The following MAP3K20 variants were observed in gnomAD, a reference collection of about 807,000 sequenced individuals.
The protein encoded by MAP3K20 is HCCS-4.
MAP3K20 carries 40 observed loss-of-function variants against 85.7 expected under a neutral mutation model. The ratio of observed to expected loss-of-function variants is 0.47; its 90% CI spans 0.36 to 0.61. MAP3K20 has a LOEUF of 0.61. Ranked by LOEUF, MAP3K20 falls within the 20% of genes least tolerant of loss-of-function variation. The probability of loss-of-function intolerance (pLI) is 0.00; values close to 1 mark genes in which losing one functional copy is unlikely to be tolerated. For missense variants in MAP3K20, 817 were observed against 961.7 expected, an observed-to-expected ratio of 0.85 and a Z score of 1.99; for synonymous variants, 325 against 327.7, an observed-to-expected ratio of 0.99 and a Z score of 0.09.
At chr2:173,265,612 G>T (rs981733054) in intron 19 of MAP3K20, among the ~76,000 whole-genome samples, 2 of 152,154 alleles carry the variant, frequency 1.3e-5, no homozygotes, top group East Asian at 3.8e-4. Flanking sequence ...TACTAAACAT[G>T]CCCCTGCCAC....
intron 11 of MAP3K20, chr2:173,226,093 T>G (rs1684380271): frequency 2.0e-6 from 2 of 985,126 alleles, no homozygotes; most frequent in Non-Finnish European, 2.4e-6. Flanking sequence ...GGGTGGGTTT[T>G]TAACCAGTGA....
At chr2:173,118,476 A>C (rs722864) in intron 2 of MAP3K20, among the ~76,000 whole-genome samples, 153 of 152,124 alleles carry the variant, frequency 1.0e-3, no homozygotes, top group African/African-American at 3.4e-3. Flanking sequence ...TGGTTTTTTG[A>C]GGGGGGTGAC....
intron 2 of MAP3K20, among the ~76,000 whole-genome samples, chr2:173,151,617 G>A (rs1689310954): frequency 6.6e-6 from 1 of 152,144 alleles, no homozygotes; most frequent in Non-Finnish European, 1.5e-5. Flanking sequence ...TAACATTATC[G>A]AAATGTGCAG....
At chr2:173,112,385 TG>T (rs1212392714) in intron 2 of MAP3K20, among the ~76,000 whole-genome samples, 1 of 152,180 alleles carries the variant, frequency 6.6e-6, no homozygotes, top group Non-Finnish European at 1.5e-5. Context: ...TTCACTGATT[TG>T]GATGCCCTTT....
At chr2:173,150,665 G>C (rs932084551) in intron 2 of MAP3K20, among the ~76,000 whole-genome samples, 27 of 152,032 alleles carry the variant, frequency 1.8e-4, no homozygotes, top group African/African-American at 6.3e-4. Flanking sequence ...TCCCGGGTTC[G>C]AGCAATTCTC....
At chr2:173,265,168 C>T (rs1054700037) in intron 19 of MAP3K20, among the ~76,000 whole-genome samples, 1 of 152,202 alleles carries the variant, frequency 6.6e-6, no homozygotes, top group Non-Finnish European at 1.5e-5. Flanking sequence ...GAGACAGAGA[C>T]ATGTGCATGC....
intron 1 of MAP3K20, 171 bp from the exon 2 acceptor site, chr2:173,090,827 C>T (rs1302075776): frequency 4.0e-6 from 5 of 1,262,412 alleles, no homozygotes; most frequent in Non-Finnish European, 5.0e-6. Context: ...CGTGGGCTGC[C>T]AGGGTGAGTG....
chr2:173,227,080 A>C, intron 11 of MAP3K20: 1 of 985,838 alleles, frequency 1.0e-6, no homozygotes, highest in Non-Finnish European at 1.2e-6. Flanking sequence ...TTTCATTTTG[A>C]TGTGAACTTT....
At chr2:173,171,467 T>C (rs1447107175) in intron 3 of MAP3K20, among the ~76,000 whole-genome samples, 2 of 152,204 alleles carry the variant, frequency 1.3e-5, no homozygotes, top group Non-Finnish European at 2.9e-5. Flanking sequence ...TGAAGTTTTC[T>C]AGTTTCTTGA....
At chr2:173,209,884 C>A in intron 10 of MAP3K20, 49 bp downstream of exon 10, 1 of 1,461,292 alleles carries the variant, frequency 6.8e-7, no homozygotes, top group Non-Finnish European at 9.6e-7. Context: ...CAAAGACCAT[C>A]ACTCGTCTCA....
At chr2:173,177,443 A>ATTTG (rs1690192821) in intron 3 of MAP3K20, among the ~76,000 whole-genome samples, 2 of 126,606 alleles carry the variant, frequency 1.6e-5, no homozygotes, top group African/African-American at 2.9e-5. Flanking sequence ...ATCACAATAG[A>ATTTG]TTTTTTTTTT....
chr2:173,245,886 G>A (rs751539709), intron 16 of MAP3K20, among the ~76,000 whole-genome samples: 9 of 152,242 alleles, frequency 5.9e-5, no homozygotes, highest in Middle Eastern at 3.4e-3. Context: ...AGCCAGGATC[G>A]CACCACTGCA....
intron 2 of MAP3K20, among the ~76,000 whole-genome samples, chr2:173,093,777 T>C (rs1687372712): frequency 6.6e-6 from 1 of 152,108 alleles, no homozygotes. Context: ...TAAGAAAATG[T>C]GGCACATATA....
intron 7 of MAP3K20, 96 bp from the exon 8 acceptor site, chr2:173,197,930 T>C: frequency 9.4e-7 from 1 of 1,067,548 alleles, no homozygotes; most frequent in South Asian, 1.6e-5. Context: ...TTGTGTCTGG[T>C]AATTAGATAC....
At chr2:173,167,562 G>A (rs960811166) in intron 2 of MAP3K20, among the ~76,000 whole-genome samples, 1 of 152,038 alleles carries the variant, frequency 6.6e-6, no homozygotes, top group Non-Finnish European at 1.5e-5. Context: ...TCATGAAAAT[G>A]TCATTTACTT....
At chr2:173,139,289 T>A (rs1574049034) in intron 2 of MAP3K20, among the ~76,000 whole-genome samples, 1 of 152,216 alleles carries the variant, frequency 6.6e-6, no homozygotes, top group Admixed American at 6.5e-5. Flanking sequence ...GATGCCTTAA[T>A]GTCCTCCGAA....
chr2:173,130,722 A>C (rs1688592063), intron 2 of MAP3K20, among the ~76,000 whole-genome samples: 1 of 152,250 alleles, frequency 6.6e-6, no homozygotes, highest in Admixed American at 6.5e-5. Flanking sequence ...CTGAGCTGTG[A>C]AAGTGTTCTA....
chr2:173,160,662 G>A (rs746387946), intron 2 of MAP3K20, among the ~76,000 whole-genome samples: 7 of 152,150 alleles, frequency 4.6e-5, no homozygotes, highest in African/African-American at 9.7e-5. Context: ...CTGTTTTGAC[G>A]TTATAGATTT....
intron 16 of MAP3K20, among the ~76,000 whole-genome samples, chr2:173,248,424 G>T (rs1196419367): frequency 6.6e-6 from 1 of 152,222 alleles, no homozygotes; most frequent in Non-Finnish European, 1.5e-5. Flanking sequence ...TTTTAAAAAT[G>T]AGAAAGAAAC....
Sources: allele counts gnomAD v4.1 joint callset (sites outside exome capture counted in the v4.1 genomes callset), GRCh38; gene constraint gnomAD v4.1.1; transcripts MANE v1.5; gene names NCBI Gene and HGNC (gene_info 2026-07-23, HGNC 2026-07-21).